The following TRPM3 variants were observed in gnomAD, a reference collection of about 807,000 sequenced individuals.
TRPM3 encodes the protein transient receptor potential cation channel subfamily M member 3, also known as long transient receptor potential channel 3.
TRPM3 carries 77 observed loss-of-function variants against 181.2 expected under a neutral mutation model. The observed-to-expected ratio is 0.42, with a 90% CI of 0.35 to 0.51. The LOEUF (loss-of-function observed/expected upper bound fraction) is 0.51, where lower values mean the gene tolerates loss of function less well. Among genes scored for constraint, TRPM3 ranks in the 20% least tolerant of loss-of-function variants. The pLI is 0.01. For missense variants in TRPM3, 1,759 were observed against 2,196.7 expected, an observed-to-expected ratio of 0.80 and a Z score of 3.98; for synonymous variants, 745 against 796.4, an observed-to-expected ratio of 0.94 and a Z score of 1.09.
intron 1 of TRPM3, among the ~76,000 whole-genome samples, chr9:70,906,818 G>A (rs547704689): frequency 7.2e-5 from 11 of 152,200 alleles, no homozygotes; most frequent in African/African-American, 2.6e-4. Flanking sequence ...CAGGAGAATT[G>A]GTTGAACCCG....
intron 8 of TRPM3, among the ~76,000 whole-genome samples, chr9:70,759,754 G>A (rs955031760): frequency 1.3e-5 from 2 of 152,046 alleles, no homozygotes; most frequent in African/African-American, 2.4e-5. Flanking sequence ...AATACCACAT[G>A]TTCTCACTCA....
At chr9:71,389,358 C>G (rs2093005462) in intron 1 of TRPM3, among the ~76,000 whole-genome samples, 1 of 151,540 alleles carries the variant, frequency 6.6e-6, no homozygotes, top group Admixed American at 6.6e-5. Context: ...ATGCGGTGAT[C>G]AGGGAACACT....
chr9:70,668,521 T>C (rs4069814), intron 9 of TRPM3, among the ~76,000 whole-genome samples: 98,883 of 151,002 alleles, frequency 0.65, 32,740 homozygotes, highest in African/African-American at 0.76. Context: ...AAAAATTAGC[T>C]GGGCGTGGTG....
chr9:71,362,937 T>C (rs2132737550), intron 1 of TRPM3, among the ~76,000 whole-genome samples: 1 of 152,320 alleles, frequency 6.6e-6, no homozygotes, highest in Middle Eastern at 3.4e-3. Flanking sequence ...TTGGGATTGC[T>C]GAAGAATATA....
intron 1 of TRPM3, among the ~76,000 whole-genome samples, chr9:70,993,800 A>G (rs1287912750): frequency 7.8e-6 from 1 of 128,698 alleles, no homozygotes; most frequent in East Asian, 2.3e-4. Context: ...AAAAAAAAAA[A>G]AAAAAGAAAG....
At chr9:71,019,901 G>T (rs2097828121) in intron 1 of TRPM3, among the ~76,000 whole-genome samples, 1 of 152,082 alleles carries the variant, frequency 6.6e-6, no homozygotes, top group Admixed American at 6.6e-5. Context: ...ATGGAAATTT[G>T]CTTTATGACT....
At chr9:70,558,048 G>A (rs979593232) in intron 22 of TRPM3, among the ~76,000 whole-genome samples, 1 of 152,112 alleles carries the variant, frequency 6.6e-6, no homozygotes, top group Non-Finnish European at 1.5e-5. Flanking sequence ...TGCAGTGATC[G>A]GTTCAGGGAT....
rs150111744 is a variant in TRPM3 at position 70,981,392 on chromosome 9, T to C, written c.178-116881A>G. Among the ~76,000 whole-genome samples, 20 of 152,336 alleles carry C rather than the reference T, an allele frequency of 1.3e-4. No individual in the cohort carries two copies. In the East Asian group the frequency reaches 3.9e-3, roughly 29 times the overall value. On this transcript the variant is annotated intron_variant, in intron 1 of 25. Coordinates refer to ENST00000677713, the MANE Select transcript of TRPM3 (RefSeq NM_001366145.2). The stretch of plus-strand genomic sequence containing the variant: ...AGCTCATTAGCAAAGATTGTTTTCT[T>C]GCCTCAGCTGGAAAGGAGATAGAAG...
At chr9:71,404,925 G>T (rs1375680726) in intron 1 of TRPM3, among the ~76,000 whole-genome samples, 1 of 152,098 alleles carries the variant, frequency 6.6e-6, no homozygotes. Flanking sequence ...CAAATATCCA[G>T]TATGCATTGT....
At chr9:71,185,449 A>G (rs1016747831) in intron 1 of TRPM3, among the ~76,000 whole-genome samples, 1 of 152,040 alleles carries the variant, frequency 6.6e-6, no homozygotes, top group African/African-American at 2.4e-5. Context: ...AAAACCAAAG[A>G]AGCTTACTTT....
At position 71,063,081 on chromosome 9, in the gene TRPM3, C is replaced by T. The variant is rs185053499; in HGVS notation, c.177+58097G>A. Among the ~76,000 whole-genome samples, 403 of 152,196 alleles carry T rather than the reference C, an allele frequency of 2.6e-3. 5 individuals are homozygous for T. Among genetic ancestry groups the T allele is most frequent in the South Asian group, 0.026 (127 of 4,820 alleles). On this transcript the variant is annotated intron_variant, in intron 1 of 25. Transcript: ENST00000677713. ...AGACAAACCTTGCTTTCTGAAGTAACAACTAAATAATACTGTATCTCCTAT... is the reference window on the plus strand; with the variant it reads ...AGACAAACCTTGCTTTCTGAAGTAATAACTAAATAATACTGTATCTCCTAT...
chr9:70,577,364 C>T (rs868850162), intron 22 of TRPM3, among the ~76,000 whole-genome samples: 9 of 152,218 alleles, frequency 5.9e-5, no homozygotes, highest in Middle Eastern at 3.2e-3. Flanking sequence ...TCAGATGGGC[C>T]TGGATTCCAA....
intron 1 of TRPM3, among the ~76,000 whole-genome samples, chr9:71,362,451 T>C (rs1418201163): frequency 3.9e-5 from 6 of 152,176 alleles, no homozygotes; most frequent in Non-Finnish European, 7.3e-5. Flanking sequence ...AAAATTCTGC[T>C]TTCTTGACTA....
intron 1 of TRPM3, among the ~76,000 whole-genome samples, chr9:71,185,760 C>A (rs1264118197): frequency 6.6e-6 from 1 of 151,980 alleles, no homozygotes; most frequent in African/African-American, 2.4e-5. Context: ...AGAGGTAAGG[C>A]GTCTCATCCT....
In TRPM3 at chr9:70,923,877, TATACACACACACATATATAC is replaced by T. The variant is rs1388167680; in HGVS notation, c.178-59386_178-59367del. Among the ~76,000 whole-genome samples, 132 of 149,958 alleles carry T rather than the reference TATACACACACACATATATAC, an allele frequency of 8.8e-4. 1 individual carries two copies. Among genetic ancestry groups the T allele is most frequent in the Admixed American group, 4.2e-3 (62 of 14,934 alleles). ...ACACACATATATATATATACATATA[TATACACACACACATATATAC>T]ATACACACACACATATATACATATA... is the stretch of plus-strand genomic sequence containing the variant. On this transcript the variant is annotated intron_variant, in intron 1 of 25. Transcript: ENST00000677713.
chr9:71,302,912 A>C lies in TRPM3; in HGVS notation c.183+143741T>G, dbSNP rs1327385019. Among the ~76,000 whole-genome samples, 3 of 152,236 alleles carry C rather than the reference A, an allele frequency of 2.0e-5. No individual in the cohort carries two copies. In the East Asian group the frequency reaches 5.8e-4, roughly 29 times the overall value. ...TAAGAAAAAAGCATAGTGCTATGTC[A>C]CTGAGAAAGGCCTAGGGAAGATATC... On this transcript the variant is annotated intron_variant, in intron 1 of 24. Transcript: ENST00000357533.
chr9:70,821,914 G>A (rs2093204552), intron 6 of TRPM3, among the ~76,000 whole-genome samples: 1 of 152,118 alleles, frequency 6.6e-6, no homozygotes, highest in Non-Finnish European at 1.5e-5. Context: ...GATTCATGCT[G>A]CTTTAAATTT....
At chr9:71,383,356 G>A (rs558465639) in intron 1 of TRPM3, among the ~76,000 whole-genome samples, 5 of 152,148 alleles carry the variant, frequency 3.3e-5, no homozygotes, top group African/African-American at 1.2e-4. Context: ...TTGTGCCCTT[G>A]TAAACTGACC....
chr9:71,161,133 T>C (rs1035921765), intron 1 of TRPM3, among the ~76,000 whole-genome samples: 1 of 152,142 alleles, frequency 6.6e-6, no homozygotes, highest in Non-Finnish European at 1.5e-5. Context: ...TTAGTCTTGG[T>C]TTTGTAAATA....
Sources: gnomAD v4.1 joint callset for allele counts (sites outside exome capture counted in the v4.1 genomes callset) on GRCh38, gnomAD v4.1.1 for gene constraint, MANE v1.5 for transcripts, NCBI Gene and HGNC (gene_info 2026-07-23, HGNC 2026-07-21) for gene names.